Variants in CORIN observed in about 807,000 individuals in gnomAD.
CORIN encodes atrial natriuretic peptide-converting enzyme.
A neutral mutation model predicts 125.3 loss-of-function variants in CORIN; 117 were observed. That is an observed-to-expected ratio of 0.93 (90% CI 0.80 to 1.09). The LOEUF is 1.09. Among genes scored for constraint, CORIN ranks in the 50% least tolerant of loss-of-function variants. The pLI, the probability that CORIN is intolerant of heterozygous loss-of-function variation, is 0.00. For missense variants in CORIN, 1,253 were observed against 1,306.7 expected (o/e 0.96, Z 0.63); for synonymous variants, 450 against 466.4 (o/e 0.96, Z 0.45).
intron 5 of CORIN, among the ~76,000 whole-genome samples, chr4:47,708,825 T>C (rs571462440): frequency 1.3e-5 from 2 of 152,310 alleles, no homozygotes; most frequent in Admixed American, 1.3e-4. Flanking sequence ...GTGGCAGCCA[T>C]CTTGGCCATG....
At chr4:47,835,989 G>A (rs1459760783) in intron 1 of CORIN, among the ~76,000 whole-genome samples, 1 of 152,098 alleles carries the variant, frequency 6.6e-6, no homozygotes, top group Non-Finnish European at 1.5e-5. Context: ...GGAACTTTCT[G>A]GAAAGAGTCC....
intron 19 of CORIN, among the ~76,000 whole-genome samples, chr4:47,605,314 T>C (rs976645600): frequency 1.3e-5 from 2 of 152,196 alleles, no homozygotes; most frequent in African/African-American, 4.8e-5. Flanking sequence ...TCTTTTTCAC[T>C]GCTTTATTCA....
At chr4:47,758,247 C>A (rs562080095) in intron 4 of CORIN, among the ~76,000 whole-genome samples, 17 of 151,908 alleles carry the variant, frequency 1.1e-4, no homozygotes, top group African/African-American at 3.4e-4. Flanking sequence ...ATCCTGCTTA[C>A]AATAGCTACA....
chr4:47,829,443 C>T (rs1732881030), intron 1 of CORIN, among the ~76,000 whole-genome samples: 1 of 152,178 alleles, frequency 6.6e-6, no homozygotes, highest in African/African-American at 2.4e-5. Context: ...TATCCTTTAT[C>T]ATAAACCAGT....
intron 10 of CORIN, among the ~76,000 whole-genome samples, chr4:47,673,943 C>T (rs1724886761): frequency 6.6e-6 from 1 of 152,080 alleles, no homozygotes. Context: ...TGCACTCCAG[C>T]CTCGGTGACA....
intron 10 of CORIN, among the ~76,000 whole-genome samples, chr4:47,666,499 T>C (rs543742733): frequency 5.9e-5 from 9 of 152,326 alleles, no homozygotes; most frequent in African/African-American, 1.9e-4. Flanking sequence ...TGTAGTAGAA[T>C]GTGAACAGGG....
At chr4:47,780,714 TG>T (rs1190033949) in intron 3 of CORIN, among the ~76,000 whole-genome samples, 2 of 152,146 alleles carry the variant, frequency 1.3e-5, no homozygotes, top group African/African-American at 4.8e-5. Flanking sequence ...ATAACTATTT[TG>T]GAACTCTGGA....
intron 3 of CORIN, among the ~76,000 whole-genome samples, chr4:47,782,449 T>C (rs1005656175): frequency 2.0e-5 from 3 of 150,450 alleles, no homozygotes; most frequent in Non-Finnish European, 4.4e-5. Context: ...ACAATAATAG[T>C]TGGAGACTTG....
chr4:47,720,128 G>A (rs2352143), intron 5 of CORIN, among the ~76,000 whole-genome samples: 6,781 of 152,190 alleles, frequency 0.045, 463 homozygotes, highest in African/African-American at 0.15. Context: ...TAAATAAAAG[G>A]AAAGTACATT....
intron 2 of CORIN, among the ~76,000 whole-genome samples, chr4:47,802,578 A>G (rs1731592622): frequency 6.6e-6 from 1 of 152,170 alleles, no homozygotes; most frequent in South Asian, 2.1e-4. Flanking sequence ...TGGTTCGAGT[A>G]CCAGCTTAGC....
rs6848169 is a variant in CORIN at position 47,830,804 on chromosome 4, T to C, written c.63+7083A>G. On this transcript the variant is annotated intron_variant, in intron 1 of 21. Transcript: ENST00000273857. ...CTCAGATTAAGATTTCCTGGTACTG[T>C]CAATCTCTATCTATGACACTTCAGC... Among the ~76,000 whole-genome samples, 1,420 of 152,290 alleles carry C rather than the reference T, an allele frequency of 9.3e-3. 20 individuals are homozygous for C. Among genetic ancestry groups the C allele is most frequent in the African/African-American group, 0.032 (1,311 of 41,564 alleles).
intron 5 of CORIN, among the ~76,000 whole-genome samples, chr4:47,712,589 A>G (rs1726901422): frequency 6.6e-6 from 1 of 152,166 alleles, no homozygotes; most frequent in Admixed American, 6.6e-5. Flanking sequence ...GGCTGACATC[A>G]TTTATTTTAA....
intron 4 of CORIN, among the ~76,000 whole-genome samples, chr4:47,754,802 T>C (rs1313626967): frequency 6.6e-6 from 1 of 152,204 alleles, no homozygotes. Context: ...CCAGAAGTCC[T>C]GCAGTTAACT....
chr4:47,600,233 C>T lies in CORIN; in HGVS notation c.2927G>A (p.Gly976Asp), dbSNP rs1012680486. 6 of 1,612,900 alleles carry T rather than the reference C, an allele frequency of 3.7e-6. No individual in the cohort carries two copies. The highest frequency in any genetic ancestry group is 2.2e-5 in the South Asian group (2 of 90,824). ...TRMICAGYES[G>D]TVDSCMGDSG... ...ACTTACCATGCATGAATCAACTGTG[C>T]CAGACTCATAGCCAGCACATATCAT... The change falls in exon 21 of 22, where the codon GGC becomes GAC. Residue 976 changes from glycine to aspartate, a missense_variant. Gly to Asp is a moderately conservative substitution (Grantham distance 94). Transcript: ENST00000273857.
chr4:47,807,625 G>A (rs941735839), intron 1 of CORIN, among the ~76,000 whole-genome samples: 1 of 152,146 alleles, frequency 6.6e-6, no homozygotes, highest in Admixed American at 6.5e-5. Context: ...CCAATTAAAC[G>A]CTAACAACTC....
At position 47,805,357 on chromosome 4, in the gene CORIN, T is replaced by A. The variant is rs115898314; in HGVS notation, c.208+1546A>T. Among the ~76,000 whole-genome samples the A allele has an allele frequency of 7.3e-3, 1,115 of 152,046 alleles. 13 individuals are homozygous for A. The highest frequency in any genetic ancestry group is 0.025 in the African/African-American group (1,048 of 41,460). Reference sequence around the variant, plus strand: ...ACTATGTACCCACAAACATTTTTTTTAAAAAACCTGGTTACCCAAGCCAGA... The same window carrying A: ...ACTATGTACCCACAAACATTTTTTTAAAAAAACCTGGTTACCCAAGCCAGA... On this transcript the variant is annotated intron_variant, in intron 2 of 21. Coordinates refer to ENST00000273857, the MANE Select transcript of CORIN (RefSeq NM_006587.4).
At chr4:47,743,471 C>T (rs957202758) in intron 5 of CORIN, among the ~76,000 whole-genome samples, 1 of 152,228 alleles carries the variant, frequency 6.6e-6, no homozygotes, top group East Asian at 1.9e-4. Context: ...ACTGACAATG[C>T]TAAAGATTGG....
rs575877918 is a variant in CORIN at position 47,661,991 on chromosome 4, A to G, written c.1590-135T>C. 47 of 808,970 alleles carry G rather than the reference A, an allele frequency of 5.8e-5. No individual in the cohort carries two copies. The African/African-American group carries it at 7.0e-4, about 12-fold the overall frequency. The allele number at this position is 808,970 out of a possible 1,614,324, so 50.1% of individuals were successfully genotyped here. On this transcript the variant is annotated intron_variant, in intron 11 of 21. Coordinates refer to ENST00000273857, the MANE Select transcript of CORIN (RefSeq NM_006587.4). Reference sequence around the variant, plus strand: ...GTGTGTGGATATAAAAGATGCACATATATATGATAGGTATTTGGGAAACCA... The same window carrying G: ...GTGTGTGGATATAAAAGATGCACATGTATATGATAGGTATTTGGGAAACCA...
At chr4:47,758,390 A>G (rs569744082) in intron 4 of CORIN, among the ~76,000 whole-genome samples, 3 of 152,328 alleles carry the variant, frequency 2.0e-5, no homozygotes, top group South Asian at 2.1e-4. Context: ...CATATTTTCA[A>G]TGTGTCCGTA....
Sources: allele counts gnomAD v4.1 joint callset (sites outside exome capture counted in the v4.1 genomes callset), GRCh38; gene constraint gnomAD v4.1.1; transcripts MANE v1.5; gene names NCBI Gene and HGNC (gene_info 2026-07-23, HGNC 2026-07-21).